Variants in BUD31 observed in about 807,000 individuals in gnomAD.
BUD31 encodes BUD31 spliceosome associated protein.
A neutral mutation model predicts 17.9 loss-of-function variants in BUD31; 9 were observed. That is an observed-to-expected ratio of 0.50 (90% confidence interval 0.30 to 0.88). The LOEUF is 0.88. Among genes scored for constraint, BUD31 ranks in the 40% least tolerant of loss-of-function variants. BUD31 has a pLI of 0.06. For synonymous variants in BUD31, 70 were observed against 64.7 expected (o/e 1.08, Z -0.39); for missense variants, 148 against 184.5 (o/e 0.80, Z 1.15).
In BUD31 at chr7:99,419,500, C is replaced by T. The variant is rs75129535; in HGVS notation, c.*59C>T. 2 of 1,594,654 alleles carry T rather than the reference C, an allele frequency of 1.3e-6. No individual in the cohort carries two copies. Among genetic ancestry groups the T allele is most frequent in the Non-Finnish European group, 1.7e-6 (2 of 1,169,836 alleles). ...GCAGGTTCCTGCCTGTCACGCCACCCCCTTCCTGGGAGCAGCGAGCAGTGC... is the reference window on the plus strand; with the variant it reads ...GCAGGTTCCTGCCTGTCACGCCACCTCCTTCCTGGGAGCAGCGAGCAGTGC... On this transcript the variant is annotated 3_prime_UTR_variant, in exon 6 of 6. Coordinates refer to ENST00000222969, the MANE Select transcript of BUD31 (RefSeq NM_003910.4).
Position 99,410,971 on chromosome 7 carries a change from CT to C in BUD31, c.-29-92del, listed in dbSNP as rs1273683154. ...CCTGTCCCATAGCTGTGACCCTATG[CT>C]GACTCAAGGAAGTCAGCCTGTACCG... On this transcript the variant is annotated intron_variant, in intron 2 of 5. Transcript: ENST00000222969. 148 of 771,310 alleles carry C rather than the reference CT, an allele frequency of 1.9e-4. 1 individual carries two copies. Among genetic ancestry groups the C allele is most frequent in the Middle Eastern group, 4.6e-4 (2 of 4,368 alleles). 47.8% of individuals were successfully genotyped at this position (771,310 alleles called of 1,614,324 possible). A position where few individuals can be genotyped will look rare whatever the true frequency, so the allele number is the denominator to read the frequency against.
intron 3 of BUD31, among the ~76,000 whole-genome samples, chr7:99,413,840 C>T (rs10282243): frequency 0.02 from 3,108 of 152,364 alleles, 103 homozygotes; most frequent in African/African-American, 0.068. Flanking sequence ...GATCCACCCA[C>T]CTCGGCCTCC....
intron 5 of BUD31, 28 bp from the exon 6 acceptor site, chr7:99,419,363 A>G (rs1331128082): frequency 3.7e-6 from 6 of 1,612,228 alleles, no homozygotes; most frequent in Non-Finnish European, 5.1e-6. Context: ...GCGCAGTGGC[A>G]TCGTCTCACT....
chr7:99,411,558 C>T (rs1011560651), intron 3 of BUD31, among the ~76,000 whole-genome samples: 2 of 151,898 alleles, frequency 1.3e-5, no homozygotes, highest in East Asian at 1.9e-4. Context: ...TAGTCTTTGC[C>T]GCATCTGTTT....
intron 3 of BUD31, chr7:99,415,196 G>A (rs556831623): frequency 6.6e-5 from 30 of 454,516 alleles, no homozygotes; most frequent in African/African-American, 6.0e-4. Context: ...CCAAATGCCA[G>A]GCTGCACTGA....
At chr7:99,416,412 GTGTT>G (rs1795464125) in intron 4 of BUD31, 152 bp downstream of exon 4, 11 of 986,460 alleles carry the variant, frequency 1.1e-5, no homozygotes, top group East Asian at 2.7e-5. Context: ...TTTTGTGTGT[GTGTT>G]TGTTTTTTGT....
At position 99,411,128 on chromosome 7, in the gene BUD31, A is replaced by T; in HGVS notation, c.36A>T (p.Pro12=). ...TCAAAAGAAGCCGGAAAGCACCCCC[A>T]GATGGCTGGGAGTTGATTGAGCCAA... ...PKVKRSRKAP[P]DGWELIEPTL... The change falls in exon 3 of 6, where the codon CCA becomes CCT. Residue 12 remains proline (P), a synonymous_variant. Transcript: ENST00000222969. The T allele has an allele frequency of 6.2e-7, 1 of 1,614,182 alleles. No individual in the cohort carries two copies. Among genetic ancestry groups the T allele is most frequent in the Non-Finnish European group, 8.5e-7 (1 of 1,180,026 alleles).
intron 2 of BUD31, 49 bp from the exon 3 acceptor site, chr7:99,411,015 G>A (rs990396328): frequency 4.8e-6 from 6 of 1,261,378 alleles, no homozygotes; most frequent in Non-Finnish European, 5.7e-6. Flanking sequence ...GGCTGGCAAA[G>A]GCCTTTGGGG....
chr7:99,419,518 A>G lies in BUD31; in HGVS notation c.*77A>G. 1 of 1,553,250 alleles carries G rather than the reference A, an allele frequency of 6.4e-7. No homozygotes were observed. Among genetic ancestry groups the G allele is most frequent in the Non-Finnish European group, 8.8e-7 (1 of 1,134,324 alleles). On this transcript the variant is annotated 3_prime_UTR_variant, in exon 6 of 6. Transcript: ENST00000222969. ...CGCCACCCCCTTCCTGGGAGCAGCG[A>G]GCAGTGCCCCAGGCCCGAGTTGGAG...
chr7:99,413,504 G>A (rs1002051364), intron 3 of BUD31, among the ~76,000 whole-genome samples: 4 of 152,362 alleles, frequency 2.6e-5, no homozygotes, highest in Admixed American at 1.3e-4. Context: ...CCATCTGTGG[G>A]CCTAGAATTA....
In BUD31 at chr7:99,415,168, C is replaced by T. The variant is rs546600182; in HGVS notation, c.95-970C>T. On this transcript the variant is annotated intron_variant, in intron 3 of 5. Coordinates refer to ENST00000222969, the MANE Select transcript of BUD31 (RefSeq NM_003910.4). ...TGAGCCTGGGAATCCCACCAAGACG[C>T]GGAGACCGGTAGTGGCCCCAAATGC... 3.1e-4 allele frequency: 140 copies of T among 450,048 alleles called. 1 individual carries two copies. Among genetic ancestry groups the T allele is most frequent in the African/African-American group, 2.4e-3 (121 of 49,442 alleles). 27.9% of individuals were successfully genotyped at this position (450,048 alleles called of 1,614,324 possible). A position where few individuals can be genotyped will look rare whatever the true frequency, so the allele number is the denominator to read the frequency against.
intron 5 of BUD31, chr7:99,419,119 C>T (rs541230585): frequency 1.9e-5 from 10 of 521,796 alleles, no homozygotes; most frequent in African/African-American, 9.6e-5. Context: ...TCATTCACAC[C>T]GATTTCTTTT....
intron 3 of BUD31, among the ~76,000 whole-genome samples, chr7:99,414,683 G>A (rs1026356271): frequency 8.6e-5 from 13 of 151,870 alleles, no homozygotes; most frequent in South Asian, 2.1e-4. Context: ...TGCATCCTCC[G>A]CCTCTGGGTT....
intron 3 of BUD31, among the ~76,000 whole-genome samples, chr7:99,414,406 C>T (rs1025880923): frequency 1.3e-5 from 2 of 151,990 alleles, no homozygotes; most frequent in Non-Finnish European, 2.9e-5. Flanking sequence ...CCAAAATGCC[C>T]GGCGGCTTAT....
At position 99,409,775 on chromosome 7, in the gene BUD31, G is replaced by A. The variant is rs1478671736; in HGVS notation, c.-165-259G>A. ...TGAGAGGAGGCTCTGTGGGCGGGGG[G>A]GGGGTGGGTCTTTGTAAAGTGTCAG... On this transcript the variant is annotated intron_variant, in intron 1 of 5. Coordinates refer to ENST00000222969, the MANE Select transcript of BUD31 (RefSeq NM_003910.4). Among the ~76,000 whole-genome samples the A allele has an allele frequency of 5.5e-5, 7 of 127,942 alleles. 1 individual carries two copies. Among genetic ancestry groups the A allele is most frequent in the South Asian group, 6.3e-4 (2 of 3,176 alleles). 83.9% of individuals were successfully genotyped at this position (127,942 alleles called of 152,430 possible). A position where few individuals can be genotyped will look rare whatever the true frequency, so the allele number is the denominator to read the frequency against.
chr7:99,413,872 G>T (rs1278148224), intron 3 of BUD31, among the ~76,000 whole-genome samples: 1 of 152,204 alleles, frequency 6.6e-6, no homozygotes, highest in Non-Finnish European at 1.5e-5. Flanking sequence ...GATTACAGGC[G>T]TGAGCCACTG....
At chr7:99,416,322 C>T (rs1483839510) in intron 4 of BUD31, 62 bp downstream of exon 4, 2 of 1,563,218 alleles carry the variant, frequency 1.3e-6, no homozygotes, top group Non-Finnish European at 8.7e-7. Context: ...ACTGAACTAA[C>T]CACAATCCTT....
chr7:99,414,384 C>G (rs1016859246), intron 3 of BUD31, among the ~76,000 whole-genome samples: 2 of 152,128 alleles, frequency 1.3e-5, no homozygotes, highest in Non-Finnish European at 1.5e-5. Flanking sequence ...GTGGTCCGCC[C>G]ACCTTGGCCT....
At chr7:99,417,921 T>G (rs1295488453) in intron 5 of BUD31, 1 of 1,289,244 alleles carries the variant, frequency 7.8e-7, no homozygotes, top group Non-Finnish European at 9.9e-7. Flanking sequence ...ACCAGTGAGT[T>G]CCTGTCCCTT....
Sources: gnomAD v4.1 joint callset for allele counts (sites outside exome capture counted in the v4.1 genomes callset) on GRCh38, gnomAD v4.1.1 for gene constraint, MANE v1.5 for transcripts, NCBI Gene and HGNC (gene_info 2026-07-23, HGNC 2026-07-21) for gene names.